Variants in ZFHX3 observed in about 807,000 individuals in gnomAD.
The protein encoded by ZFHX3 is zinc finger homeobox 3.
ZFHX3 carries 42 observed loss-of-function variants against 279.1 expected under a neutral mutation model. That is an observed-to-expected ratio of 0.15 (90% confidence interval 0.12 to 0.19). ZFHX3 has a LOEUF of 0.19. Among genes scored for constraint, ZFHX3 ranks in the 10% least tolerant of loss-of-function variants. The probability of loss-of-function intolerance (pLI) is 1.00; values close to 1 mark genes in which losing one functional copy is unlikely to be tolerated. For synonymous variants in ZFHX3, 2,293 were observed against 1,957.8 expected (o/e 1.17, Z -4.52); for missense variants, 4,981 against 4,754.0 (o/e 1.05, Z -1.40).
At chr16:73,436,693 A>C (rs1286098250) in intron 3 of ZFHX3, among the ~76,000 whole-genome samples, 8 of 139,026 alleles carry the variant, frequency 5.8e-5, no homozygotes, top group African/African-American at 1.9e-4. Flanking sequence ...ACTCACCAGG[A>C]CCTCCCCTTG....
chr16:73,245,662 A>G (rs1441556870), intron 5 of ZFHX3, among the ~76,000 whole-genome samples: 1 of 152,142 alleles, frequency 6.6e-6, no homozygotes, highest in African/African-American at 2.4e-5. Context: ...GGGAGTTAGG[A>G]GGAATTTGTA....
At chr16:73,675,559 T>C (rs2052946103) in intron 2 of ZFHX3, among the ~76,000 whole-genome samples, 1 of 152,110 alleles carries the variant, frequency 6.6e-6, no homozygotes, top group African/African-American at 2.4e-5. Flanking sequence ...TCAGTTTCAC[T>C]GCCTTTATAG....
chr16:72,850,891 G>A (rs1402183630), intron 4 of ZFHX3, among the ~76,000 whole-genome samples: 1 of 152,100 alleles, frequency 6.6e-6, no homozygotes, highest in Non-Finnish European at 1.5e-5. Context: ...TTTGACTCAA[G>A]GGGAGGGGGT....
rs761514699 is a variant in ZFHX3, at chr16:72,788,749, G to A, written c.9527C>T (p.Ala3176Val). The change falls in exon 10 of 10, where the codon GCG becomes GTG. Residue 3176 changes from alanine (A) to valine (V), a missense_variant. Physicochemically the swap from Ala to Val is moderately conservative, Grantham distance 64 (BLOSUM62 0). Coordinates refer to ENST00000268489, the MANE Select transcript of ZFHX3 (RefSeq NM_006885.4). ...TSGLPNKPSSASLSSPTPAQA... is the reference protein window; with the variant it reads ...TSGLPNKPSSVSLSSPTPAQA... ...TGCTGGGGTTGGGGAGCTCAGCGAC[G>A]CTGAGGACGGTTTATTTGGTAATCC... 3.2e-5 allele frequency: 50 copies of A among 1,583,114 alleles called. No homozygotes were observed. In the Middle Eastern group the frequency reaches 1.2e-3, roughly 38 times the overall value.
At chr16:73,879,284 GAA>G (rs74436279) in intron 1 of ZFHX3, among the ~76,000 whole-genome samples, 1 of 107,766 alleles carries the variant, frequency 9.3e-6, no homozygotes. Flanking sequence ...AGCAGGTGGA[GAA>G]AAAAAAAAAA....
chr16:73,803,374 G>A (rs1018002653), intron 1 of ZFHX3, among the ~76,000 whole-genome samples: 3 of 152,150 alleles, frequency 2.0e-5, no homozygotes, highest in Admixed American at 6.5e-5. Context: ...CTTGATAATA[G>A]CTAGCGCTGG....
chr16:72,971,075 T>C (rs117454289), intron 1 of ZFHX3, among the ~76,000 whole-genome samples: 1 of 152,336 alleles, frequency 6.6e-6, no homozygotes, highest in Non-Finnish European at 1.5e-5. Flanking sequence ...AGATTTTCCT[T>C]ACCTACCTCG....
intron 1 of ZFHX3, among the ~76,000 whole-genome samples, chr16:73,785,587 C>T (rs952066270): frequency 6.6e-6 from 1 of 152,074 alleles, no homozygotes; most frequent in Non-Finnish European, 1.5e-5. Context: ...CTCATGAGTT[C>T]TTTTTTTAGG....
intron 3 of ZFHX3, among the ~76,000 whole-genome samples, chr16:73,334,838 C>CTTTTTTTTTTTTTTTT (rs2015881626): frequency 2.0e-4 from 2 of 10,218 alleles, no homozygotes; most frequent in Admixed American, 8.4e-4. Flanking sequence ...TTTTTTTTTG[C>CTTTTTTTTTTTTTTTT]AAAATGAATG....
At chr16:73,680,734 T>C (rs1274363374) in intron 1 of ZFHX3, among the ~76,000 whole-genome samples, 1 of 152,208 alleles carries the variant, frequency 6.6e-6, no homozygotes, top group Non-Finnish European at 1.5e-5. Flanking sequence ...TATCATGGAA[T>C]TCGTCTTATC....
intron 5 of ZFHX3, among the ~76,000 whole-genome samples, chr16:73,213,632 A>G (rs2012096556): frequency 6.6e-6 from 1 of 152,242 alleles, no homozygotes; most frequent in Admixed American, 6.5e-5. Context: ...GGGTAAGTGC[A>G]TGATAATAAG....
At chr16:73,871,227 G>C (rs947309231) in intron 1 of ZFHX3, among the ~76,000 whole-genome samples, 3 of 152,154 alleles carry the variant, frequency 2.0e-5, no homozygotes, top group African/African-American at 7.2e-5. Flanking sequence ...TGGAAAGCAA[G>C]AAATGCTGGA....
At chr16:73,767,955 G>T (rs1321302861) in intron 1 of ZFHX3, among the ~76,000 whole-genome samples, 5 of 152,192 alleles carry the variant, frequency 3.3e-5, no homozygotes, top group Non-Finnish European at 7.3e-5. Context: ...GCACCTTAAT[G>T]CTAGCAAACG....
chr16:73,626,498 G>T (rs1028574339), intron 2 of ZFHX3, among the ~76,000 whole-genome samples: 3 of 152,012 alleles, frequency 2.0e-5, no homozygotes, highest in Admixed American at 1.3e-4. Context: ...ACTTACAAAG[G>T]TATGGAAATT....
intron 3 of ZFHX3, among the ~76,000 whole-genome samples, chr16:72,926,131 T>TA (rs1959436046): frequency 1.3e-5 from 2 of 152,236 alleles, no homozygotes; most frequent in African/African-American, 4.8e-5. Context: ...CTGAAACCTT[T>TA]AAAAACTTAA....
intron 3 of ZFHX3, among the ~76,000 whole-genome samples, chr16:73,377,808 C>T (rs1170547939): frequency 6.6e-6 from 1 of 151,190 alleles, no homozygotes; most frequent in African/African-American, 2.4e-5. Context: ...CTGAGGCGGG[C>T]AGATCACGAG....
intron 2 of ZFHX3, among the ~76,000 whole-genome samples, chr16:73,678,320 G>A (rs963520147): frequency 1.3e-5 from 2 of 152,146 alleles, no homozygotes; most frequent in African/African-American, 4.8e-5. Context: ...GAATGAAAGT[G>A]TAAAAGAAGT....
chr16:73,643,051 T>A (rs2052587716), intron 2 of ZFHX3, among the ~76,000 whole-genome samples: 1 of 152,204 alleles, frequency 6.6e-6, no homozygotes, highest in Admixed American at 6.5e-5. Flanking sequence ...GCAGTTTAAC[T>A]CTTAGGGTCA....
At chr16:72,881,776 TC>T (rs2038479449) in intron 4 of ZFHX3, among the ~76,000 whole-genome samples, 1 of 151,866 alleles carries the variant, frequency 6.6e-6, no homozygotes, top group Non-Finnish European at 1.5e-5. Flanking sequence ...AGGAGGTCTC[TC>T]CCCTCCAGTG....
Sources: allele counts gnomAD v4.1 joint callset (sites outside exome capture counted in the v4.1 genomes callset), GRCh38; gene constraint gnomAD v4.1.1; transcripts MANE v1.5; gene names NCBI Gene and HGNC (gene_info 2026-07-23, HGNC 2026-07-21).